The following PRRG1 variants were observed in gnomAD, a reference collection of about 807,000 sequenced individuals.
PRRG1 encodes the protein proline rich and Gla domain 1, also known as transmembrane gamma-carboxyglutamic acid protein 1.
PRRG1 carries 5 observed loss-of-function variants against 11.8 expected under a neutral mutation model. The ratio of observed to expected loss-of-function variants is 0.42; its 90% CI spans 0.22 to 0.89. PRRG1 has a LOEUF of 0.89. Ranked by LOEUF, PRRG1 falls within the 40% of genes least tolerant of loss-of-function variation. The pLI, the probability that PRRG1 is intolerant of heterozygous loss-of-function variation, is 0.28. For missense variants in PRRG1, 155 were observed against 166.1 expected (o/e 0.93, Z 0.37); for synonymous variants, 66 against 60.4 (o/e 1.09, Z -0.43).
chrX:37,426,207 G>A (rs193238690), intron 3 of PRRG1, among the ~76,000 whole-genome samples: 16 of 111,553 alleles, frequency 1.4e-4, no homozygotes, highest in African/African-American at 5.2e-4. Context: ...TGAGAGCCCC[G>A]TTCCTATAGG....
chrX:37,437,806 G>A (rs1932901860), intron 3 of PRRG1, among the ~76,000 whole-genome samples: 1 of 111,536 alleles, frequency 9.0e-6, no homozygotes, highest in South Asian at 3.8e-4. Flanking sequence ...TGTTACCTAA[G>A]GAATTATATT....
At chrX:37,410,685 A>C (rs1204681660) in intron 2 of PRRG1, among the ~76,000 whole-genome samples, 2 of 112,064 alleles carry the variant, frequency 1.8e-5, no homozygotes, top group Non-Finnish European at 3.8e-5. Context: ...TTCAAAAGGC[A>C]GCTACACTGA....
intron 1 of PRRG1, among the ~76,000 whole-genome samples, chrX:37,399,925 C>G (rs1270597840): frequency 9.0e-5 from 10 of 111,183 alleles, no homozygotes; most frequent in Non-Finnish European, 1.3e-4. Context: ...TCAACAAGAA[C>G]AGCTAACTAT....
rs782619091 is a variant in PRRG1 at position 37,382,206 on chromosome X, G to T, written c.-41-24003G>T. ...TCACTATAGGAAAGCTTCAATTTTT[G>T]TAGTTTATTTCAGTTAAGTATTAAG... On this transcript the variant is annotated intron_variant, in intron 1 of 3. Coordinates refer to ENST00000378628, the MANE Select transcript of PRRG1 (RefSeq NM_001142395.2). Among the ~76,000 whole-genome samples the T allele has an allele frequency of 2.7e-5, 3 of 111,525 alleles. No individual in the cohort carries two copies. The Admixed American group carries it at 2.9e-4, about 11-fold the overall frequency.
At chrX:37,417,481 A>G (rs1022384696) in intron 2 of PRRG1, among the ~76,000 whole-genome samples, 1 of 111,995 alleles carries the variant, frequency 8.9e-6, no homozygotes, top group Admixed American at 9.5e-5. Context: ...ATCAGCTATG[A>G]AAAGTTAACT....
intron 3 of PRRG1, among the ~76,000 whole-genome samples, chrX:37,434,917 C>T (rs1272874371): frequency 1.8e-5 from 2 of 111,755 alleles, no homozygotes; most frequent in Non-Finnish European, 3.8e-5. Flanking sequence ...AACTTTTAAT[C>T]GTATATAATT....
intron 1 of PRRG1, among the ~76,000 whole-genome samples, chrX:37,367,948 A>G (rs1226917882): frequency 8.9e-6 from 1 of 112,349 alleles, no homozygotes; most frequent in Non-Finnish European, 1.9e-5. Flanking sequence ...AGCCTTGATT[A>G]TAACCTAATA....
At chrX:37,362,726 C>G (rs891012720) in intron 1 of PRRG1, among the ~76,000 whole-genome samples, 4 of 111,441 alleles carry the variant, frequency 3.6e-5, no homozygotes, top group African/African-American at 1.3e-4. Flanking sequence ...TTCCCACTAC[C>G]AGGAACCAGG....
intron 3 of PRRG1, among the ~76,000 whole-genome samples, chrX:37,432,235 C>G: frequency 9.1e-6 from 1 of 110,463 alleles, no homozygotes; most frequent in Non-Finnish European, 1.9e-5. Flanking sequence ...CTACAGACGC[C>G]TGCCACCACG....
chrX:37,393,236 A>T (rs1423428441), intron 1 of PRRG1, among the ~76,000 whole-genome samples: 1 of 109,990 alleles, frequency 9.1e-6, no homozygotes, highest in Non-Finnish European at 1.9e-5. Flanking sequence ...TATCAGACAC[A>T]TTCATTTTTT....
chrX:37,399,166 A>G (rs1931850323), intron 1 of PRRG1, among the ~76,000 whole-genome samples: 1 of 111,227 alleles, frequency 9.0e-6, no homozygotes, highest in African/African-American at 3.3e-5. Context: ...AGCAACTCCA[A>G]GACACATAAT....
chrX:37,448,136 A>C (rs1920992212), intron 3 of PRRG1, among the ~76,000 whole-genome samples: 1 of 112,346 alleles, frequency 8.9e-6, no homozygotes, highest in Non-Finnish European at 1.9e-5. Flanking sequence ...GACAAAACAC[A>C]CAAACAAAGC....
chrX:37,395,220 G>T (rs1263387634), intron 1 of PRRG1, among the ~76,000 whole-genome samples: 2 of 112,087 alleles, frequency 1.8e-5, no homozygotes, highest in East Asian at 2.8e-4. Flanking sequence ...ACATATGTAT[G>T]ATAGCAAAAC....
chrX:37,398,314 G>A (rs1041927071), intron 1 of PRRG1, among the ~76,000 whole-genome samples: 9 of 111,661 alleles, frequency 8.1e-5, no homozygotes, highest in Non-Finnish European at 1.3e-4. Flanking sequence ...AGCAGCATTC[G>A]CGGTTCACGA....
At chrX:37,360,773 A>G (rs1239851956) in intron 1 of PRRG1, among the ~76,000 whole-genome samples, 1 of 112,328 alleles carries the variant, frequency 8.9e-6, no homozygotes, top group African/African-American at 3.2e-5. Flanking sequence ...TTGTATTGCA[A>G]CACCTTTCCT....
At chrX:37,370,750 C>G (rs951426866) in intron 1 of PRRG1, among the ~76,000 whole-genome samples, 2 of 111,916 alleles carry the variant, frequency 1.8e-5, no homozygotes, top group Non-Finnish European at 3.8e-5. Flanking sequence ...GAAGGCCCCC[C>G]ATGCGCCTGC....
chrX:37,438,874 C>G (rs1850529637), intron 3 of PRRG1, among the ~76,000 whole-genome samples: 1 of 111,905 alleles, frequency 8.9e-6, no homozygotes. Context: ...TACTGTAATT[C>G]AATTATTGTT....
intron 1 of PRRG1, among the ~76,000 whole-genome samples, chrX:37,402,956 CA>C (rs1556380884): frequency 9.0e-6 from 1 of 111,466 alleles, no homozygotes; most frequent in Non-Finnish European, 1.9e-5. Flanking sequence ...CTTAGAATGG[CA>C]ATCATTAAAA....
intron 3 of PRRG1, among the ~76,000 whole-genome samples, chrX:37,438,254 GGTGAAAAA>G (rs1161480241): frequency 4.6e-5 from 5 of 109,520 alleles, no homozygotes; most frequent in Non-Finnish European, 9.5e-5. Context: ...AATTATGGGT[GGTGAAAAA>G]ATATAGCTAC....
Sources: allele counts gnomAD v4.1 joint callset (sites outside exome capture counted in the v4.1 genomes callset), GRCh38; gene constraint gnomAD v4.1.1; transcripts MANE v1.5; gene names NCBI Gene and HGNC (gene_info 2026-07-23, HGNC 2026-07-21).